ERBB2: variants seen among roughly 807,000 people sequenced by gnomAD.
ERBB2 encodes erb-b2 receptor tyrosine kinase 2.
In ERBB2, 61 loss-of-function variants were observed where a neutral mutation model predicts 149.0. The observed-to-expected ratio is 0.41, with a 90% CI of 0.33 to 0.51. The LOEUF (loss-of-function observed/expected upper bound fraction) is 0.51, where lower values mean the gene tolerates loss of function less well. Among genes scored for constraint, ERBB2 ranks in the 20% least tolerant of loss-of-function variants. The pLI, the probability that ERBB2 is intolerant of heterozygous loss-of-function variation, is 0.25. For synonymous variants in ERBB2, 633 were observed against 678.8 expected (o/e 0.93, Z 1.05); for missense variants, 1,205 against 1,655.1 (o/e 0.73, Z 4.72).
At chr17:39,724,272 A>ATTTTTTTTGTTTTTTTTTTTTT (rs2059617300) in intron 19 of ERBB2, among the ~76,000 whole-genome samples, 1 of 77,016 alleles carries the variant, frequency 1.3e-5, no homozygotes, top group Non-Finnish European at 2.7e-5. Flanking sequence ...GCGCCCGCTA[A>ATTTTTTTTGTTTTTTTTTTTTT]TTTTTTTTTT....
Position 39,720,012 on chromosome 17 carries a change from T to C in ERBB2, c.1946+178T>C, listed in dbSNP as rs1036577932. The C allele has an allele frequency of 4.7e-6, 3 of 634,272 alleles. No individual in the cohort carries two copies. The South Asian group carries it at 5.5e-5, about 12-fold the overall frequency. The allele number at this position is 634,272 out of a possible 1,614,324, so 39.3% of individuals were successfully genotyped here. A position where few individuals can be genotyped will look rare whatever the true frequency, so the allele number is the denominator to read the frequency against. On this transcript the variant is annotated intron_variant, in intron 16 of 26. Coordinates refer to ENST00000269571, the MANE Select transcript of ERBB2 (RefSeq NM_004448.4). ...AGTGACAGAGGACCTGCTCAGATGC[T>C]GAGGGGAGGGGACTGCAAGGAAAGA...
chr17:39,691,904 T>TATACATATAC (rs2057714752), upstream of ERBB2, among the ~76,000 whole-genome samples: 1 of 114,536 alleles, frequency 8.7e-6, no homozygotes, highest in African/African-American at 3.4e-5. Flanking sequence ...GATATAGATA[T>TATACATATAC]ATATACATAT....
chr17:39,694,303 G>GTGTA (rs1555612057), upstream of ERBB2, among the ~76,000 whole-genome samples: 484 of 75,760 alleles, frequency 6.4e-3, 27 homozygotes, highest in Middle Eastern at 0.023. Flanking sequence ...ATATATATGT[G>GTGTA]TATATATATA....
In ERBB2 at chr17:39,708,479, T is replaced by G. The variant is rs749976401; in HGVS notation, c.384T>G (p.Pro128=). Residue 128 remains proline (P), a synonymous_variant, in exon 3 of 27, where the codon CCT becomes CCG. Coordinates refer to ENST00000269571, the MANE Select transcript of ERBB2 (RefSeq NM_004448.4). ...GAGACCCGCTGAACAATACCACCCC[T>G]GTCACAGGGGCCTCCCCAGGAGGCC... ...DNGDPLNNTT[P]VTGASPGGLR... is the part of the protein sequence containing the mutation. 1.2e-5 allele frequency: 19 copies of G among 1,614,038 alleles called. No homozygotes were observed. The highest frequency in any genetic ancestry group is 1.5e-5 in the Non-Finnish European group (18 of 1,180,010).
In ERBB2 at chr17:39,726,300, T is replaced by A. The variant is rs1249100498; in HGVS notation, c.2873-262T>A. The A allele has an allele frequency of 4.0e-6, 2 of 506,248 alleles. No homozygotes were observed. The allele number at this position is 506,248 out of a possible 1,614,324, so 31.4% of individuals were successfully genotyped here. ...GTAAGCTATGATTGCACCACTGAAATCCAGCCTGGGTGACAGAGCGAAACC... is the reference window on the plus strand; with the variant it reads ...GTAAGCTATGATTGCACCACTGAAAACCAGCCTGGGTGACAGAGCGAAACC... On this transcript the variant is annotated intron_variant, in intron 23 of 26. Coordinates refer to ENST00000269571, the MANE Select transcript of ERBB2 (RefSeq NM_004448.4). The surrounding 1 kb of genome is among the most constrained non-coding windows in gnomAD (Gnocchi z 5.1).
chr17:39,720,954 G>A (rs1209861940), intron 16 of ERBB2, among the ~76,000 whole-genome samples: 2 of 151,772 alleles, frequency 1.3e-5, no homozygotes, highest in African/African-American at 2.4e-5. Flanking sequence ...AGCCAGATAC[G>A]CTATCTTTTT....
chr17:39,724,254 G>GA (rs2145833661), intron 19 of ERBB2, among the ~76,000 whole-genome samples: 1 of 91,448 alleles, frequency 1.1e-5, no homozygotes, highest in South Asian at 4.3e-4. Flanking sequence ...GAGTAGCTGG[G>GA]ATTACAAGCG....
At position 39,708,351 on chromosome 17, in the gene ERBB2, A is replaced by G. The variant is rs759478535; in HGVS notation, c.256A>G (p.Ile86Val). The change falls in exon 3 of 27, where the codon ATC (isoleucine) becomes GTC (valine). Residue 86 changes from isoleucine to valine, a missense_variant. Physicochemically the swap from Ile to Val is conservative, Grantham distance 29. Coordinates refer to ENST00000269571, the MANE Select transcript of ERBB2 (RefSeq NM_004448.4). ...DIQEVQGYVL[I>V]AHNQVRQVPL... is the part of the protein sequence containing the mutation. ...CCAGGAGGTGCAGGGCTACGTGCTC[A>G]TCGCTCACAACCAAGTGAGGCAGGT... 3.5e-5 allele frequency: 57 copies of G among 1,614,036 alleles called. 1 individual carries two copies. The South Asian group carries it at 5.6e-4, about 16-fold the overall frequency.
chr17:39,697,369 T>A (rs905318762), upstream of ERBB2, among the ~76,000 whole-genome samples: 10 of 151,082 alleles, frequency 6.6e-5, no homozygotes, highest in African/African-American at 2.2e-4. Context: ...TTTTTTTTTT[T>A]TTTGAGACAG....
At chr17:39,719,135 C>T (rs2059313681) in intron 15 of ERBB2, among the ~76,000 whole-genome samples, 2 of 152,122 alleles carry the variant, frequency 1.3e-5, no homozygotes, top group East Asian at 1.9e-4. Flanking sequence ...GTGGTGGGCG[C>T]CTGTAATCCC....
chr17:39,705,158 C>T (rs2145362976), intron 1 of ERBB2, among the ~76,000 whole-genome samples: 1 of 152,260 alleles, frequency 6.6e-6, no homozygotes, highest in East Asian at 1.9e-4. Flanking sequence ...CTGCCAGGCA[C>T]ACAGTAGGTG....
chr17:39,704,572 A>G (rs926755490), intron 1 of ERBB2, among the ~76,000 whole-genome samples: 1 of 152,086 alleles, frequency 6.6e-6, no homozygotes, highest in Non-Finnish European at 1.5e-5. Flanking sequence ...ACTCCATCTC[A>G]AAAAAAGAAA....
At chr17:39,706,111 C>T (rs927088473) in intron 1 of ERBB2, among the ~76,000 whole-genome samples, 1 of 152,204 alleles carries the variant, frequency 6.6e-6, no homozygotes, top group African/African-American at 2.4e-5. Flanking sequence ...CTCAGGGATA[C>T]CAGGCTGGGG....
Position 39,724,641 on chromosome 17 carries a change from G to A in ERBB2, c.2308-85G>A, listed in dbSNP as rs4252648. ...GAGCCTTCACAGGCTGTGGGCCATG[G>A]CTGTGGTTTGTGATGGTTGGGAGGC... On this transcript the variant is annotated intron_variant, in intron 19 of 26. Transcript: ENST00000269571. The A allele has an allele frequency of 1.2e-3, 1,531 of 1,242,322 alleles. 14 individuals are homozygous for A. In the African/African-American group the frequency reaches 0.02, roughly 17 times the overall value. 77.0% of individuals were successfully genotyped at this position (1,242,322 alleles called of 1,614,324 possible). A position where few individuals can be genotyped will look rare whatever the true frequency, so the allele number is the denominator to read the frequency against.
Position 39,715,334 on chromosome 17 carries a change from GT to G in ERBB2, c.1200del (p.Phe400LeufsTer31), listed in dbSNP as rs1265306257. The G allele has an allele frequency of 6.2e-7, 1 of 1,613,974 alleles. No homozygotes were observed. Among genetic ancestry groups the G allele is most frequent in the African/African-American group, 1.3e-5 (1 of 74,930 alleles). ...CGCTCCAGCCAGAGCAGCTCCAAGT[GT>G]TTGAGACTCTGGAAGAGATCACAGG... ...APLQPEQLQVFETLEEITGYL... is the reference protein window; with the variant it reads ...APLQPEQLQVXETLEEITGYL... On this transcript the variant is annotated frameshift_variant, in exon 10 of 27. Coordinates refer to ENST00000269571, the MANE Select transcript of ERBB2 (RefSeq NM_004448.4). LOFTEE classifies it high-confidence loss of function.
rs2313170 is a variant in ERBB2, at chr17:39,710,856, A to G, written c.901+375A>G. On this transcript the variant is annotated intron_variant, in intron 7 of 26. Transcript: ENST00000269571. ...GCTCTTAGAACGGTGCCTGGTATGT[A>G]CTAAGTGCTCCTAAATGTTAGCTTT... Among the ~76,000 whole-genome samples the G allele has an allele frequency of 3.5e-3, 539 of 152,346 alleles. 3 individuals are homozygous for G. The highest frequency in any genetic ancestry group is 0.012 in the African/African-American group (513 of 41,576).
upstream of ERBB2, chr17:39,699,933 C>A: frequency 9.0e-7 from 1 of 1,113,682 alleles, no homozygotes. Flanking sequence ...AGTTGCCACT[C>A]CCAGACTTGT....
In ERBB2 at chr17:39,726,008, C is replaced by G. The variant is rs2059736886; in HGVS notation, c.2872+155C>G. ...AACCTTCTTGTATCCCTTTTACAGT[C>G]AAAGTCCAAAGCCACTCTTGAGGAA... On this transcript the variant is annotated intron_variant, in intron 23 of 26. Transcript: ENST00000269571. This position sits in a 1 kb window ranked among gnomAD's most constrained non-coding sequence, Gnocchi z 5.1. 4.2e-6 allele frequency: 3 copies of G among 709,026 alleles called. No homozygotes were observed. The highest frequency in any genetic ancestry group is 3.7e-5 in the South Asian group (2 of 53,754). The allele number at this position is 709,026 out of a possible 1,614,324, so 43.9% of individuals were successfully genotyped here.
In ERBB2 at chr17:39,715,809, G is replaced by T; in HGVS notation, c.1383G>T (p.Leu461=). ...TGGGGCTGCGCTCACTGAGGGAACT[G>T]GGCAGTGGACTGGCCCTCATCCACC... is the stretch of plus-strand genomic sequence containing the variant. ...SWLGLRSLRE[L]GSGLALIHHN... is the part of the protein sequence containing the mutation. Residue 461 remains leucine, a synonymous_variant, in exon 12 of 27, where the codon CTG becomes CTT. Transcript: ENST00000269571. The T allele has an allele frequency of 6.2e-7, 1 of 1,610,890 alleles. No individual in the cohort carries two copies. Among genetic ancestry groups the T allele is most frequent in the Non-Finnish European group, 8.5e-7 (1 of 1,180,024 alleles).
Sources: gnomAD v4.1 joint callset for allele counts (sites outside exome capture counted in the v4.1 genomes callset) on GRCh38, gnomAD v4.1.1 for gene constraint, Gnocchi (gnomAD v3.1) non-coding constraint, MANE v1.5 for transcripts, NCBI Gene and HGNC (gene_info 2026-07-23, HGNC 2026-07-21) for gene names.